The following RRAGC variants were observed in gnomAD, a reference collection of about 807,000 sequenced individuals.
The protein encoded by RRAGC is Ras related GTP binding C, also known as ras-related GTP-binding protein C.
RRAGC carries 8 observed loss-of-function variants against 37.1 expected under a neutral mutation model. The ratio of observed to expected loss-of-function variants is 0.22; its 90% CI spans 0.13 to 0.39. RRAGC has a LOEUF of 0.39. RRAGC is among the 10% of genes least tolerant of loss of function. The pLI is 1.00. For missense variants in RRAGC, 342 were observed against 497.6 expected, an observed-to-expected ratio of 0.69 and a Z score of 2.98; for synonymous variants, 190 against 181.1, an observed-to-expected ratio of 1.05 and a Z score of -0.39.
chr1:38,850,849 T>C (rs1642093193), intron 5 of RRAGC, among the ~76,000 whole-genome samples: 1 of 152,158 alleles, frequency 6.6e-6, no homozygotes. Context: ...TTGTTGTTTT[T>C]TTTTGGTAAA....
At chr1:38,853,337 C>T (rs6660891) in intron 3 of RRAGC, among the ~76,000 whole-genome samples, 54,476 of 152,120 alleles carry the variant, frequency 0.36, 10,902 homozygotes, top group Non-Finnish European at 0.44. Flanking sequence ...TAAACACTGT[C>T]AACAATTCTA....
chr1:38,850,766 G>C (rs554840370), intron 5 of RRAGC, among the ~76,000 whole-genome samples: 1 of 152,238 alleles, frequency 6.6e-6, no homozygotes, highest in African/African-American at 2.4e-5. Flanking sequence ...AAAGCAACTT[G>C]AGAGTGCTGA....
intron 6 of RRAGC, among the ~76,000 whole-genome samples, chr1:38,842,015 G>C (rs1314137982): frequency 6.6e-6 from 1 of 151,822 alleles, no homozygotes; most frequent in Non-Finnish European, 1.5e-5. Flanking sequence ...GCGGGTGCCT[G>C]TAATTCCAGC....
chr1:38,839,459 C>A lies in RRAGC; in HGVS notation c.*94G>T. 1 of 1,394,264 alleles carries A rather than the reference C, an allele frequency of 7.2e-7. No individual in the cohort carries two copies. The highest frequency in any genetic ancestry group is 1.4e-5 in the South Asian group (1 of 72,584). 86.4% of individuals were successfully genotyped at this position (1,394,264 alleles called of 1,614,324 possible). A position where few individuals can be genotyped will look rare whatever the true frequency, so the allele number is the denominator to read the frequency against. On this transcript the variant is annotated 3_prime_UTR_variant, in exon 7 of 7. Coordinates refer to ENST00000373001, the MANE Select transcript of RRAGC (RefSeq NM_022157.4). Reference sequence around the variant, plus strand: ...TCTCTAGTGGAACAGGCACCAGATTCCCACAAGCAGCAGCTCCCATGTCCT... The same window carrying A: ...TCTCTAGTGGAACAGGCACCAGATTACCACAAGCAGCAGCTCCCATGTCCT...
chr1:38,859,518 C>T lies in RRAGC; in HGVS notation c.129G>A (p.Gly43=). 1 of 1,547,744 alleles carries T rather than the reference C, an allele frequency of 6.5e-7. No individual in the cohort carries two copies. Among genetic ancestry groups the T allele is most frequent in the South Asian group, 1.2e-5 (1 of 83,960 alleles). ...EEEEAAAAGG[G]VGAGAGGGCG... is the part of the protein sequence containing the mutation. ...AGCCACCGCCTGCCCCTGCCCCAAC[C>T]CCTCCGCCCGCCGCCGCCGCCTCCT... Residue 43 remains glycine (G), a synonymous_variant, in exon 1 of 7, where the codon GGG becomes GGA. Transcript: ENST00000373001.
chr1:38,859,507 C>G lies in RRAGC; in HGVS notation c.140G>C (p.Gly47Ala). 1 of 1,547,722 alleles carries G rather than the reference C, an allele frequency of 6.5e-7. No homozygotes were observed. The highest frequency in any genetic ancestry group is 8.7e-7 in the Non-Finnish European group (1 of 1,146,630). Reference protein sequence around the residue: ...AAAAGGGVGAGAGGGCGPGGA... With the variant: ...AAAAGGGVGAAAGGGCGPGGA... ...CCCCGGACCACAGCCACCGCCTGCC[C>G]CTGCCCCAACCCCTCCGCCCGCCGC... The change falls in exon 1 of 7, where the codon GGG becomes GCG. Residue 47 changes from glycine (G) to alanine (A), a missense_variant. This residue lies in a region of RRAGC where 104 missense variants were observed against 93.4 expected (regional missense o/e 1.11). Transcript: ENST00000373001.
At chr1:38,853,468 G>A (rs773951511) in intron 3 of RRAGC, among the ~76,000 whole-genome samples, 2 of 152,160 alleles carry the variant, frequency 1.3e-5, no homozygotes, top group Non-Finnish European at 2.9e-5. Context: ...ACTTTCAGCT[G>A]GGCGCGATGG....
chr1:38,844,367 AT>A (rs1642003695), intron 6 of RRAGC, among the ~76,000 whole-genome samples: 1 of 151,250 alleles, frequency 6.6e-6, no homozygotes, highest in African/African-American at 2.4e-5. Flanking sequence ...CATAGAGAAG[AT>A]TAACTGAAGC....
intron 1 of RRAGC, among the ~76,000 whole-genome samples, chr1:38,857,681 C>A (rs934238890): frequency 1.3e-4 from 20 of 152,204 alleles, no homozygotes; most frequent in African/African-American, 4.1e-4. Flanking sequence ...ATAATCGGCC[C>A]GGGTGCGGTG....
At chr1:38,843,731 A>T (rs912830948) in intron 6 of RRAGC, among the ~76,000 whole-genome samples, 4 of 152,104 alleles carry the variant, frequency 2.6e-5, no homozygotes, top group Non-Finnish European at 4.4e-5. Context: ...AAAAAAAAAA[A>T]AACTCAGGTA....
Position 38,856,916 on chromosome 1 carries a change from C to A in RRAGC, c.404G>T (p.Arg135Met), listed in dbSNP as rs751360175. 9 of 1,614,160 alleles carry A rather than the reference C, an allele frequency of 5.6e-6. No individual in the cohort carries two copies. The South Asian group carries it at 9.9e-5, about 18-fold the overall frequency. ...GACGTATATCAATGCTCCTGTTCCC[C>A]TGAAGATCATCTCATAGTCAAAGGT... ...DPTFDYEMIF[R>M]GTGALIYVID... is the part of the protein sequence containing the mutation. The change falls in exon 2 of 7, where the codon AGG becomes ATG. Residue 135 changes from arginine to methionine, a missense_variant. Transcript: ENST00000373001.
intron 1 of RRAGC, among the ~76,000 whole-genome samples, 177 bp from the exon 2 acceptor site, chr1:38,857,259 G>A (rs1399308917): frequency 6.6e-6 from 1 of 152,080 alleles, no homozygotes; most frequent in Non-Finnish European, 1.5e-5. Context: ...GACAAAAGAA[G>A]ACACCAAATT....
At chr1:38,850,342 G>T (rs1435616223) in intron 5 of RRAGC, among the ~76,000 whole-genome samples, 1 of 151,702 alleles carries the variant, frequency 6.6e-6, no homozygotes, top group East Asian at 1.9e-4. Flanking sequence ...GTGGAATCCC[G>T]TCTCTACTAA....
chr1:38,846,018 T>G lies in RRAGC; in HGVS notation c.969A>C (p.Thr323=). 1 of 1,611,464 alleles carries G rather than the reference T, an allele frequency of 6.2e-7. No homozygotes were observed. Among genetic ancestry groups the G allele is most frequent in the South Asian group, 1.1e-5 (1 of 90,886 alleles). ...ESMAIIKLNN[T]TVLYLKEVTK... ...TCACCTCCTTTAAATAAAGGACAGT[T>G]GTATTATTCAGCTTGATAATTGCCA... The change falls in exon 6 of 7, where the codon ACA becomes ACC. Residue 323 remains threonine, a synonymous_variant. Coordinates refer to ENST00000373001, the MANE Select transcript of RRAGC (RefSeq NM_022157.4).
intron 1 of RRAGC, among the ~76,000 whole-genome samples, chr1:38,858,819 C>G (rs778263279): frequency 6.6e-5 from 10 of 152,228 alleles, no homozygotes; most frequent in Non-Finnish European, 1.3e-4. Context: ...TAAAAACACA[C>G]CCCTACAGGG....
chr1:38,859,260 G>C (rs989984563), intron 1 of RRAGC, 150 bp downstream of exon 1: 2 of 766,458 alleles, frequency 2.6e-6, no homozygotes, highest in Non-Finnish European at 2.0e-6. Flanking sequence ...GTCCCCGCGC[G>C]GGCCGCGCCT....
chr1:38,847,271 G>A (rs997010901), intron 5 of RRAGC: 8 of 151,960 alleles, frequency 5.3e-5, no homozygotes, highest in African/African-American at 1.9e-4. Flanking sequence ...ACTATTCCAA[G>A]CCTTACAATT....
chr1:38,840,000 T>C (rs1301023553), intron 6 of RRAGC, among the ~76,000 whole-genome samples: 1 of 151,848 alleles, frequency 6.6e-6, no homozygotes, highest in Non-Finnish European at 1.5e-5. Flanking sequence ...CAAAAAAAAT[T>C]AGCCGGGCAT....
At chr1:38,843,331 A>C (rs1003974515) in intron 6 of RRAGC, among the ~76,000 whole-genome samples, 1 of 152,012 alleles carries the variant, frequency 6.6e-6, no homozygotes, top group Non-Finnish European at 1.5e-5. Flanking sequence ...AAAAAAAAAA[A>C]GATTTTAACT....
Sources: allele counts gnomAD v4.1 joint callset (sites outside exome capture counted in the v4.1 genomes callset), GRCh38; gene constraint gnomAD v4.1.1; regional missense constraint gnomAD v4.1.1; transcripts MANE v1.5; gene names NCBI Gene and HGNC (gene_info 2026-07-23, HGNC 2026-07-21).